NAALADL2: variants seen among roughly 807,000 people sequenced by gnomAD.
NAALADL2 encodes N-acetylated alpha-linked acidic dipeptidase like 2.
In NAALADL2, 76 loss-of-function variants were observed where a neutral mutation model predicts 87.2. That is an observed-to-expected ratio of 0.87 (90% confidence interval 0.72 to 1.05). The LOEUF (loss-of-function observed/expected upper bound fraction) is 1.05, where lower values mean the gene tolerates loss of function less well. Ranked by LOEUF, NAALADL2 falls within the 50% of genes least tolerant of loss-of-function variation. NAALADL2 has a pLI of 0.00. For missense variants in NAALADL2, 1,089 were observed against 945.8 expected (o/e 1.15, Z -1.99); for synonymous variants, 354 against 331.0 (o/e 1.07, Z -0.75).
chr3:175,650,362 A>AT (rs1560914497), intron 11 of NAALADL2, among the ~76,000 whole-genome samples: 1 of 152,114 alleles, frequency 6.6e-6, no homozygotes, highest in African/African-American at 2.4e-5. Flanking sequence ...ACTCAAAGGA[A>AT]TTTTTTTAGA....
intron 1 of NAALADL2, among the ~76,000 whole-genome samples, chr3:174,451,569 A>G (rs1197376523): frequency 6.6e-6 from 1 of 152,200 alleles, no homozygotes; most frequent in Non-Finnish European, 1.5e-5. Context: ...TGTGTTCAGG[A>G]CAAAATAGTT....
intron 3 of NAALADL2, among the ~76,000 whole-genome samples, chr3:174,816,622 A>G (rs544264189): frequency 2.4e-4 from 36 of 151,664 alleles, no homozygotes; most frequent in Non-Finnish European, 4.1e-4. Flanking sequence ...TGAGGTCGCT[A>G]AGACAGACTA....
chr3:175,685,588 G>A (rs2149896617), intron 11 of NAALADL2, among the ~76,000 whole-genome samples: 1 of 151,970 alleles, frequency 6.6e-6, no homozygotes, highest in Middle Eastern at 3.4e-3. Flanking sequence ...AGCCAAGCAA[G>A]TCCCAAGATC....
intron 2 of NAALADL2, among the ~76,000 whole-genome samples, chr3:174,642,112 CAGTG>C (rs1723255921): frequency 2.0e-5 from 3 of 152,148 alleles, no homozygotes; most frequent in Admixed American, 6.5e-5. Context: ...ACATGAATGA[CAGTG>C]AGACACACAA....
At chr3:175,096,081 C>G (rs1470084345) in intron 1 of NAALADL2, among the ~76,000 whole-genome samples, 1 of 152,004 alleles carries the variant, frequency 6.6e-6, no homozygotes, top group Non-Finnish European at 1.5e-5. Context: ...TGATGCCATC[C>G]CAGACTTTTA....
intron 1 of NAALADL2, among the ~76,000 whole-genome samples, chr3:174,983,886 G>A (rs892212715): frequency 6.6e-6 from 1 of 152,156 alleles, no homozygotes; most frequent in African/African-American, 2.4e-5. Context: ...TTCAAGATGA[G>A]CAAGGCCCAA....
At chr3:175,034,882 T>A (rs1691790233) in intron 1 of NAALADL2, among the ~76,000 whole-genome samples, 1 of 152,196 alleles carries the variant, frequency 6.6e-6, no homozygotes, top group East Asian at 1.9e-4. Context: ...TCATATGAAT[T>A]ATTATTACTA....
At chr3:174,593,007 C>A (rs1055150219) in intron 2 of NAALADL2, among the ~76,000 whole-genome samples, 2 of 152,038 alleles carry the variant, frequency 1.3e-5, no homozygotes, top group African/African-American at 2.4e-5. Flanking sequence ...TCCTAGCTAT[C>A]ACTTTTCCTA....
At chr3:175,071,357 T>C (rs1238942040) in intron 1 of NAALADL2, among the ~76,000 whole-genome samples, 1 of 152,148 alleles carries the variant, frequency 6.6e-6, no homozygotes, top group Admixed American at 6.6e-5. Context: ...AACCTTATCA[T>C]TGGATTTTCA....
chr3:174,711,762 T>G (rs1730655316), intron 2 of NAALADL2, among the ~76,000 whole-genome samples: 1 of 152,216 alleles, frequency 6.6e-6, no homozygotes, highest in African/African-American at 2.4e-5. Flanking sequence ...CTCTGTATTT[T>G]ATTATAGTGC....
intron 5 of NAALADL2, among the ~76,000 whole-genome samples, chr3:175,405,742 C>T (rs527759863): frequency 6.6e-6 from 1 of 152,060 alleles, no homozygotes; most frequent in Non-Finnish European, 1.5e-5. Context: ...GGCTGTCAGG[C>T]CTTGTGTTAC....
At chr3:174,593,424 G>T (rs894918432) in intron 2 of NAALADL2, among the ~76,000 whole-genome samples, 2 of 152,082 alleles carry the variant, frequency 1.3e-5, no homozygotes, top group Non-Finnish European at 2.9e-5. Context: ...TGGAAGGTGG[G>T]GAAATTGAGG....
chr3:175,721,456 A>T (rs2150034775), intron 11 of NAALADL2, among the ~76,000 whole-genome samples: 1 of 152,262 alleles, frequency 6.6e-6, no homozygotes, highest in South Asian at 2.1e-4. Context: ...GTTACATATT[A>T]ATTTCATGTC....
chr3:175,275,095 G>T (rs762205490), intron 4 of NAALADL2, among the ~76,000 whole-genome samples: 2 of 152,080 alleles, frequency 1.3e-5, no homozygotes, highest in Non-Finnish European at 2.9e-5. Flanking sequence ...GAATTTTGGT[G>T]GTAGTAAAGA....
At chr3:174,553,154 G>A (rs1038816354) in intron 2 of NAALADL2, among the ~76,000 whole-genome samples, 1 of 152,076 alleles carries the variant, frequency 6.6e-6, no homozygotes, top group Non-Finnish European at 1.5e-5. Flanking sequence ...AGATGTTGTT[G>A]GAAATGCAAA....
chr3:174,936,284 T>C (rs1737672511), intron 1 of NAALADL2, among the ~76,000 whole-genome samples: 1 of 152,094 alleles, frequency 6.6e-6, no homozygotes, highest in South Asian at 2.1e-4. Context: ...TTCAGGGGAA[T>C]TTAAAGTATT....
At chr3:175,081,952 C>T (rs1223528751) in intron 1 of NAALADL2, among the ~76,000 whole-genome samples, 5 of 152,104 alleles carry the variant, frequency 3.3e-5, no homozygotes, top group Admixed American at 1.3e-4. Flanking sequence ...GTCTTAAGAG[C>T]TGTGCTAAGT....
chr3:174,480,462 G>GT (rs541537129), intron 1 of NAALADL2, among the ~76,000 whole-genome samples: 32 of 151,836 alleles, frequency 2.1e-4, no homozygotes, highest in African/African-American at 6.3e-4. Context: ...TCCTTTTTCT[G>GT]TTTTTTTGGT....
At chr3:175,218,790 T>G (rs1243761950) in intron 2 of NAALADL2, among the ~76,000 whole-genome samples, 1 of 151,724 alleles carries the variant, frequency 6.6e-6, no homozygotes, top group East Asian at 1.9e-4. Flanking sequence ...TTCATTATTT[T>G]ATTTTATTTT....
Sources: gnomAD v4.1 joint callset for allele counts (sites outside exome capture counted in the v4.1 genomes callset) on GRCh38, gnomAD v4.1.1 for gene constraint, MANE v1.5 for transcripts, NCBI Gene and HGNC (gene_info 2026-07-23, HGNC 2026-07-21) for gene names.